SHB: variants seen among roughly 807,000 people sequenced by gnomAD.
The protein encoded by SHB is SH2 domain containing adaptor protein B.
A neutral mutation model predicts 52.3 loss-of-function variants in SHB; 20 were observed. The ratio of observed to expected loss-of-function variants is 0.38; its 90% CI spans 0.27 to 0.56. The LOEUF is 0.56. Ranked by LOEUF, SHB falls within the 20% of genes least tolerant of loss-of-function variation. The probability of loss-of-function intolerance (pLI) is 0.71; values close to 1 mark genes in which losing one functional copy is unlikely to be tolerated. For missense variants in SHB, 825 were observed against 723.3 expected, an observed-to-expected ratio of 1.14 and a Z score of -1.61; for synonymous variants, 397 against 316.5, an observed-to-expected ratio of 1.25 and a Z score of -2.70.
At chr9:38,009,128 T>C (rs1479405268) in intron 2 of SHB, among the ~76,000 whole-genome samples, 1 of 152,220 alleles carries the variant, frequency 6.6e-6, no homozygotes, top group Non-Finnish European at 1.5e-5. Flanking sequence ...CTCCTTTTTC[T>C]GAGAAGCATT....
intron 5 of SHB, among the ~76,000 whole-genome samples, chr9:37,947,576 C>T (rs1310782482): frequency 6.6e-6 from 1 of 152,232 alleles, no homozygotes; most frequent in East Asian, 1.9e-4. Flanking sequence ...TGCCTGCCGC[C>T]CTCCTGACTC....
chr9:37,974,766 C>G lies in SHB; in HGVS notation c.910G>C (p.Glu304Gln). 1 of 1,614,176 alleles carries G rather than the reference C, an allele frequency of 6.2e-7. No homozygotes were observed. The change falls in exon 3 of 6, where the codon GAA becomes CAA. Residue 304 changes from glutamate (E) to glutamine (Q), a missense_variant. By Grantham distance (29) the Glu-to-Gln change is conservative. Transcript: ENST00000377707. ...IQLYDTPYEP[E>Q]GQSVDSDSES... ...GAGTCTGAGTCAACACTTTGGCCTT[C>G]AGGTTCGTAAGGGGTGTCATATAAC...
At chr9:37,975,575 G>A (rs1297903415) in intron 2 of SHB, among the ~76,000 whole-genome samples, 2 of 152,232 alleles carry the variant, frequency 1.3e-5, no homozygotes, top group East Asian at 3.8e-4. Flanking sequence ...CCAGACAGGA[G>A]GTGTTCATTT....
In SHB at chr9:37,916,246, G is replaced by C. The variant is rs1456974058; in HGVS notation, c.*3575C>G. 1.3e-5 allele frequency among the ~76,000 whole-genome samples: 2 copies of C among 152,262 alleles called. No individual in the cohort carries two copies. The highest frequency in any genetic ancestry group is 2.9e-5 in the Non-Finnish European group (2 of 68,048). ...TTCTGGAAGGGTGGAGAGACAGTTG[G>C]CTGGACAGCTGCCTGATTCGGCCAT... On this transcript the variant is annotated 3_prime_UTR_variant, in exon 6 of 6. Coordinates refer to ENST00000377707, the MANE Select transcript of SHB (RefSeq NM_003028.3).
chr9:38,026,903 G>C (rs1446754790), intron 1 of SHB, among the ~76,000 whole-genome samples: 1 of 152,218 alleles, frequency 6.6e-6, no homozygotes, highest in Non-Finnish European at 1.5e-5. Context: ...GGATACAGAG[G>C]AGAGGAAAGG....
intron 5 of SHB, among the ~76,000 whole-genome samples, chr9:37,944,654 C>T (rs1247173759): frequency 6.6e-6 from 1 of 152,162 alleles, no homozygotes. Context: ...TGAGTGCAAC[C>T]TGCACGTCAG....
intron 5 of SHB, among the ~76,000 whole-genome samples, chr9:37,930,415 G>A (rs1238118433): frequency 6.6e-6 from 1 of 152,108 alleles, no homozygotes; most frequent in Non-Finnish European, 1.5e-5. Context: ...GGTGGGGGAT[G>A]TGGCAGGGGG....
At chr9:38,007,428 A>G (rs529421723) in intron 2 of SHB, among the ~76,000 whole-genome samples, 6 of 152,324 alleles carry the variant, frequency 3.9e-5, no homozygotes, top group African/African-American at 1.2e-4. Context: ...AGCTATCCCT[A>G]TGCAGTCCGC....
intron 2 of SHB, among the ~76,000 whole-genome samples, chr9:37,984,178 T>C (rs1820775294): frequency 6.6e-6 from 1 of 152,200 alleles, no homozygotes. Flanking sequence ...TCCTGGGGGC[T>C]TCCTTGGAGC....
At chr9:38,061,142 G>T (rs1310996255) in intron 1 of SHB, among the ~76,000 whole-genome samples, 1 of 151,724 alleles carries the variant, frequency 6.6e-6, no homozygotes, top group African/African-American at 2.4e-5. Flanking sequence ...GATCAGCCTG[G>T]GCAATAAAAA....
At position 38,044,398 on chromosome 9, in the gene SHB, C is replaced by T. The variant is rs956203596; in HGVS notation, c.717+23531G>A. 7.9e-5 allele frequency among the ~76,000 whole-genome samples: 12 copies of T among 152,316 alleles called. No homozygotes were observed. In the South Asian group the frequency reaches 8.3e-4, roughly 11 times the overall value. ...CTAATTCATTTATTCATCTATAAGACGTTTACTAAGCACCTACTATGTGCC... is the reference window on the plus strand; with the variant it reads ...CTAATTCATTTATTCATCTATAAGATGTTTACTAAGCACCTACTATGTGCC... On this transcript the variant is annotated intron_variant, in intron 1 of 5. Coordinates refer to ENST00000377707, the MANE Select transcript of SHB (RefSeq NM_003028.3).
At chr9:37,946,017 G>A (rs981325924) in intron 5 of SHB, among the ~76,000 whole-genome samples, 1 of 152,168 alleles carries the variant, frequency 6.6e-6, no homozygotes, top group Admixed American at 6.5e-5. Flanking sequence ...CCAGGAAACA[G>A]GGGCAGGGTT....
At position 37,915,944 on chromosome 9, in the gene SHB, A is replaced by G. The variant is rs1182004087; in HGVS notation, c.*3877T>C. On this transcript the variant is annotated 3_prime_UTR_variant, in exon 6 of 6. Transcript: ENST00000377707. ...ATTAAGAGCTTCACATTAAATATTCATCATTATACAGTGTGTCACATAGAT... is the reference window on the plus strand; with the variant it reads ...ATTAAGAGCTTCACATTAAATATTCGTCATTATACAGTGTGTCACATAGAT... 6.6e-6 allele frequency among the ~76,000 whole-genome samples: 1 copy of G among 152,248 alleles called. No individual in the cohort carries two copies. The highest frequency in any genetic ancestry group is 1.5e-5 in the Non-Finnish European group (1 of 68,044).
At chr9:37,920,631 T>C (rs1832169705) in intron 5 of SHB, among the ~76,000 whole-genome samples, 3 of 152,256 alleles carry the variant, frequency 2.0e-5, no homozygotes, top group African/African-American at 7.2e-5. Context: ...GCAGAAAGTC[T>C]GTACTACCTG....
intron 1 of SHB, among the ~76,000 whole-genome samples, chr9:38,032,413 C>T (rs899836400): frequency 6.6e-6 from 1 of 152,218 alleles, no homozygotes; most frequent in African/African-American, 2.4e-5. Flanking sequence ...TAAGTCCAGG[C>T]TCCTTCTGGG....
At chr9:38,041,687 C>T (rs1020724409) in intron 1 of SHB, among the ~76,000 whole-genome samples, 1 of 151,818 alleles carries the variant, frequency 6.6e-6, no homozygotes, top group African/African-American at 2.4e-5. Flanking sequence ...AGTGGGAAGC[C>T]ACTGGTGGTT....
At chr9:37,964,913 T>A (rs1832732016) in intron 3 of SHB, among the ~76,000 whole-genome samples, 1 of 152,230 alleles carries the variant, frequency 6.6e-6, no homozygotes, top group Non-Finnish European at 1.5e-5. Context: ...AGCTCCTTCC[T>A]GAGTTCCGGG....
intron 2 of SHB, among the ~76,000 whole-genome samples, chr9:37,998,023 G>T (rs1820970743): frequency 6.6e-6 from 1 of 152,246 alleles, no homozygotes. Flanking sequence ...GGCAGTGGCA[G>T]GACAGCCCGT....
rs937875163 is a variant in SHB, at chr9:37,923,292, G to A, written c.1347-3288C>T. Among the ~76,000 whole-genome samples the A allele has an allele frequency of 4.6e-5, 7 of 152,242 alleles. No homozygotes were observed. The South Asian group carries it at 6.2e-4, about 13-fold the overall frequency. On this transcript the variant is annotated intron_variant, in intron 5 of 5. Coordinates refer to ENST00000377707, the MANE Select transcript of SHB (RefSeq NM_003028.3). ...CACGCTGATCTTCCGCCTCCACAGC[G>A]CCCATGGTGCAGGGCTGACGGCAGG...
Sources: gnomAD v4.1 joint callset for allele counts (sites outside exome capture counted in the v4.1 genomes callset) on GRCh38, gnomAD v4.1.1 for gene constraint, MANE v1.5 for transcripts, NCBI Gene and HGNC (gene_info 2026-07-23, HGNC 2026-07-21) for gene names.